The following SNX30 variants were observed in gnomAD, a reference collection of about 807,000 sequenced individuals.
SNX30 encodes sorting nexin-30.
Under a neutral mutation model 46.4 loss-of-function variants are expected in SNX30, and 24 were observed. The observed-to-expected ratio is 0.52, with a 90% CI of 0.37 to 0.73. The LOEUF is 0.73. Among genes scored for constraint, SNX30 ranks in the 30% least tolerant of loss-of-function variants. The pLI is 0.00. For missense variants in SNX30, 533 were observed against 555.7 expected (o/e 0.96, Z 0.41); for synonymous variants, 189 against 211.5 (o/e 0.89, Z 0.92).
intron 1 of SNX30, among the ~76,000 whole-genome samples, chr9:112,779,091 G>C (rs1434258004): frequency 6.6e-6 from 1 of 152,262 alleles, no homozygotes. Flanking sequence ...GGATTGGCAG[G>C]GAATTGGGTG....
chr9:112,754,748 T>A (rs1473165446), intron 1 of SNX30, among the ~76,000 whole-genome samples: 4 of 152,152 alleles, frequency 2.6e-5, no homozygotes, highest in Non-Finnish European at 5.9e-5. Context: ...CACTTAGCCT[T>A]ACTCTCCTTT....
chr9:112,882,558 A>G (rs116425532), downstream of SNX30, among the ~76,000 whole-genome samples: 1,687 of 152,272 alleles, frequency 0.011, 30 homozygotes, highest in African/African-American at 0.038. Context: ...TGTATGGAGA[A>G]TGGTTCAGAG....
At position 112,838,503 on chromosome 9, in the gene SNX30, C is replaced by T. The variant is rs761730571; in HGVS notation, c.820C>T (p.Leu274Phe). The T allele has an allele frequency of 6.2e-7, 1 of 1,610,696 alleles. No homozygotes were observed. Among genetic ancestry groups the T allele is most frequent in the Admixed American group, 1.7e-5 (1 of 59,540 alleles). ...AGTTTCTGTTCCCTGTTCAGAGTAC[C>T]TTGTGGAGCTGAGAGAATACGGGCC... ...QRIIKEEIEY[L>F]VELREYGPVY... Residue 274 changes from leucine (L) to phenylalanine (F), a missense_variant, in exon 6 of 9, where the codon CTT (leucine) becomes TTT (phenylalanine). Transcript: ENST00000374232.
At chr9:112,834,882 A>ACACCCC (rs56385707) in intron 4 of SNX30, among the ~76,000 whole-genome samples, 27 of 105,252 alleles carry the variant, frequency 2.6e-4, no homozygotes, top group East Asian at 7.2e-4. Flanking sequence ...ACACACACAC[A>ACACCCC]CCTACCTCAA....
chr9:112,826,872 T>C (rs923705319), intron 3 of SNX30, among the ~76,000 whole-genome samples: 1 of 152,198 alleles, frequency 6.6e-6, no homozygotes, highest in African/African-American at 2.4e-5. Flanking sequence ...AACTTCTCAG[T>C]GCTTTGGACT....
At chr9:112,762,102 C>A (rs977418218) in intron 1 of SNX30, among the ~76,000 whole-genome samples, 1 of 152,168 alleles carries the variant, frequency 6.6e-6, no homozygotes, top group Non-Finnish European at 1.5e-5. Context: ...CATGTATGAG[C>A]AATGGGGTTT....
chr9:112,753,479 G>A (rs903574247), intron 1 of SNX30, among the ~76,000 whole-genome samples: 10 of 152,178 alleles, frequency 6.6e-5, no homozygotes, highest in Admixed American at 1.3e-4. Flanking sequence ...CACCTCCCTG[G>A]TCAAAGTGAT....
rs556105781 is a variant in SNX30, at chr9:112,781,915, T to C, written c.157-22861T>C. ...CCTTATCCTCCCAAAGTGCTGGGATTACAGGCATGAGCCACTGCGCCCCGC... is the reference window on the plus strand; with the variant it reads ...CCTTATCCTCCCAAAGTGCTGGGATCACAGGCATGAGCCACTGCGCCCCGC... On this transcript the variant is annotated intron_variant, in intron 1 of 8. Coordinates refer to ENST00000374232, the MANE Select transcript of SNX30 (RefSeq NM_001012994.2). Among the ~76,000 whole-genome samples the C allele has an allele frequency of 8.5e-5, 13 of 152,258 alleles. No individual in the cohort carries two copies. In the South Asian group the frequency reaches 2.5e-3, roughly 29 times the overall value.
intron 1 of SNX30, among the ~76,000 whole-genome samples, chr9:112,769,450 C>A (rs1021594823): frequency 3.9e-5 from 6 of 152,208 alleles, no homozygotes; most frequent in Non-Finnish European, 8.8e-5. Context: ...ACTGTGGGTG[C>A]AGCCATGTCC....
At position 112,792,902 on chromosome 9, in the gene SNX30, T is replaced by C. The variant is rs1564271164; in HGVS notation, c.157-11874T>C. Among the ~76,000 whole-genome samples the C allele has an allele frequency of 2.0e-5, 3 of 151,900 alleles. No individual in the cohort carries two copies. The South Asian group carries it at 6.2e-4, about 31-fold the overall frequency. On this transcript the variant is annotated intron_variant, in intron 1 of 8. Coordinates refer to ENST00000374232, the MANE Select transcript of SNX30 (RefSeq NM_001012994.2). ...TTAGGCTTTTTTTTTTCTTTTTCTT[T>C]TAATGGGAACACAGAGTAAGTCTGG...
intron 1 of SNX30, among the ~76,000 whole-genome samples, chr9:112,762,016 G>A (rs1449383781): frequency 6.6e-6 from 1 of 152,098 alleles, no homozygotes; most frequent in Non-Finnish European, 1.5e-5. Context: ...GAGGAAGGCC[G>A]GTGTTCCACG....
rs1257310648 is a variant in SNX30, at chr9:112,804,910, T to C, written c.291T>C (p.Asp97=). Residue 97 remains aspartate (D), a synonymous_variant, in exon 2 of 9, where the codon GAT becomes GAC. Coordinates refer to ENST00000374232, the MANE Select transcript of SNX30 (RefSeq NM_001012994.2). ...ETRDLFVIVD[D]PKKHVCTMET... is the part of the protein sequence containing the mutation. ...GAGATCTCTTCGTTATAGTTGATGA[T>C]CCCAAGAAGCATGTGTGTACAATGG... is the stretch of plus-strand genomic sequence containing the variant. The C allele has an allele frequency of 1.9e-6, 3 of 1,613,890 alleles. No individual in the cohort carries two copies. The highest frequency in any genetic ancestry group is 1.7e-5 in the Admixed American group (1 of 60,014).
At chr9:112,811,936 A>G (rs1840326747) in intron 2 of SNX30, among the ~76,000 whole-genome samples, 1 of 152,226 alleles carries the variant, frequency 6.6e-6, no homozygotes, top group Non-Finnish European at 1.5e-5. Flanking sequence ...ATTTACTACA[A>G]ACTTATCTTT....
intron 1 of SNX30, among the ~76,000 whole-genome samples, chr9:112,795,760 TAC>T (rs1435992548): frequency 1.8e-5 from 1 of 56,562 alleles, no homozygotes; most frequent in African/African-American, 6.3e-5. Flanking sequence ...ACACTCACAG[TAC>T]AGTCACACAC....
chr9:112,805,024 A>G, intron 2 of SNX30, 57 bp downstream of exon 2: 1 of 1,415,130 alleles, frequency 7.1e-7, no homozygotes, highest in Non-Finnish European at 9.5e-7. Flanking sequence ...ATTGGGGTCT[A>G]CCTCAGTGAA....
intron 3 of SNX30, among the ~76,000 whole-genome samples, chr9:112,823,225 A>G (rs1298099102): frequency 6.6e-6 from 1 of 152,262 alleles, no homozygotes; most frequent in African/African-American, 2.4e-5. Context: ...ACAGGGTTCA[A>G]TACCATCCAT....
At chr9:112,834,869 CACACACACACACA>C (rs751091565) in intron 4 of SNX30, among the ~76,000 whole-genome samples, 4 of 91,278 alleles carry the variant, frequency 4.4e-5, no homozygotes, top group Admixed American at 1.3e-4. Context: ...CACACACACA[CACACACACACACA>C]CCTACCTCAA....
chr9:112,812,648 G>A (rs1840337787), intron 2 of SNX30, among the ~76,000 whole-genome samples: 1 of 152,114 alleles, frequency 6.6e-6, no homozygotes, highest in Non-Finnish European at 1.5e-5. Context: ...TGTCCTTAAA[G>A]GAGCTTTTAA....
chr9:112,807,445 C>T (rs979594165), intron 2 of SNX30, among the ~76,000 whole-genome samples: 2 of 152,050 alleles, frequency 1.3e-5, no homozygotes, highest in Non-Finnish European at 2.9e-5. Context: ...TAGTCTTACC[C>T]CACTACACCA....
Sources: allele counts gnomAD v4.1 joint callset (sites outside exome capture counted in the v4.1 genomes callset), GRCh38; gene constraint gnomAD v4.1.1; transcripts MANE v1.5; gene names NCBI Gene and HGNC (gene_info 2026-07-23, HGNC 2026-07-21).